Variants in GPBP1 observed in about 807,000 individuals in gnomAD.
GPBP1 encodes vasculin.
Under a neutral mutation model 56.5 loss-of-function variants are expected in GPBP1, and 13 were observed. The ratio of observed to expected loss-of-function variants is 0.23; its 90% confidence interval spans 0.15 to 0.37. The LOEUF (loss-of-function observed/expected upper bound fraction) is 0.37. Among genes scored for constraint, GPBP1 ranks in the 10% least tolerant of loss-of-function variants. GPBP1 has a pLI of 1.00. For synonymous variants in GPBP1, 204 were observed against 188.9 expected, an observed-to-expected ratio of 1.08 and a Z score of -0.66; for missense variants, 477 against 572.3, an observed-to-expected ratio of 0.83 and a Z score of 1.70.
chr5:57,249,487 A>C lies in GPBP1; in HGVS notation c.883A>C (p.Thr295Pro), dbSNP rs1173669599. The change falls in exon 9 of 12, where the codon ACT becomes CCT. Residue 295 changes from threonine (T) to proline (P), a missense_variant. Coordinates refer to ENST00000506184, the MANE Select transcript of GPBP1 (RefSeq NM_022913.4). The part of the protein sequence containing the change: ...PRLTKLTRMR[T>P]DKKSEFLKAL... ...TCTAACCAAACTGACACGAATGCGC[A>C]CTGATAAGAAGAGTGAATTTTTGAA... 6.2e-7 allele frequency: 1 copy of C among 1,612,948 alleles called. No individual in the cohort carries two copies. Among genetic ancestry groups the C allele is most frequent in the African/African-American group, 1.3e-5 (1 of 74,874 alleles).
In GPBP1 at chr5:57,175,934, A is replaced by G. The variant is rs958527423; in HGVS notation, c.-524A>G. ...TTTTCTGAATGAAGAGATTGAAAGA[A>G]TACAGAGTTTTTTTCCTTTTATCTT... is the stretch of plus-strand genomic sequence containing the variant. On this transcript the variant is annotated 5_prime_UTR_variant, in exon 2 of 12. Transcript: ENST00000506184. 99 of 398,582 alleles carry G rather than the reference A, an allele frequency of 2.5e-4. 1 individual carries two copies. Among genetic ancestry groups the G allele is most frequent in the African/African-American group, 1.9e-3 (95 of 48,770 alleles). The allele number at this position is 398,582 out of a possible 1,614,324, so 24.7% of individuals were successfully genotyped here. A position where few individuals can be genotyped will look rare whatever the true frequency, so the allele number is the denominator to read the frequency against.
At chr5:57,177,520 A>G (rs922093991) in intron 2 of GPBP1, among the ~76,000 whole-genome samples, 4 of 151,972 alleles carry the variant, frequency 2.6e-5, no homozygotes, top group Non-Finnish European at 4.4e-5. Flanking sequence ...GTTGCCCAGG[A>G]TGGAGTACAA....
intron 2 of GPBP1, among the ~76,000 whole-genome samples, chr5:57,194,403 C>A (rs1002325361): frequency 6.6e-6 from 1 of 152,010 alleles, no homozygotes. Context: ...TATATTTCTA[C>A]TTATGGATGA....
chr5:57,229,701 A>G (rs975370404), intron 3 of GPBP1, among the ~76,000 whole-genome samples: 2 of 150,226 alleles, frequency 1.3e-5, no homozygotes, highest in African/African-American at 2.5e-5. Context: ...CACATGGCTA[A>G]TTTTGTATTT....
At chr5:57,223,384 G>A (rs760151221) in intron 3 of GPBP1, among the ~76,000 whole-genome samples, 1 of 152,034 alleles carries the variant, frequency 6.6e-6, no homozygotes, top group Non-Finnish European at 1.5e-5. Context: ...CACCGTGCCC[G>A]GCCTCTATAA....
At chr5:57,219,944 C>G (rs765850662) in intron 3 of GPBP1, among the ~76,000 whole-genome samples, 1 of 151,098 alleles carries the variant, frequency 6.6e-6, no homozygotes, top group South Asian at 2.1e-4. Context: ...CCTAGCTACT[C>G]GGGAGGCTGA....
chr5:57,198,214 A>C (rs1463812215), intron 2 of GPBP1, among the ~76,000 whole-genome samples: 1 of 152,094 alleles, frequency 6.6e-6, no homozygotes, highest in Non-Finnish European at 1.5e-5. Flanking sequence ...TCAGCTTCCC[A>C]CTGTATTCTA....
intron 2 of GPBP1, among the ~76,000 whole-genome samples, chr5:57,194,529 A>G (rs964744137): frequency 1.3e-5 from 2 of 152,174 alleles, no homozygotes; most frequent in Admixed American, 1.3e-4. Context: ...CTATATTAGG[A>G]ACATTCCAAC....
At chr5:57,216,006 G>A (rs1275429674) in intron 3 of GPBP1, among the ~76,000 whole-genome samples, 3 of 152,158 alleles carry the variant, frequency 2.0e-5, no homozygotes, top group African/African-American at 7.2e-5. Context: ...TACTCCACGC[G>A]CTAGGTGGAG....
intron 2 of GPBP1, among the ~76,000 whole-genome samples, chr5:57,198,052 C>T (rs1021384533): frequency 4.0e-5 from 6 of 151,838 alleles, no homozygotes; most frequent in Non-Finnish European, 7.4e-5. Context: ...GTTTCGGTGT[C>T]GTTGTTATGT....
chr5:57,240,226 G>C (rs979959407), intron 6 of GPBP1, among the ~76,000 whole-genome samples: 1 of 152,172 alleles, frequency 6.6e-6, no homozygotes, highest in African/African-American at 2.4e-5. Flanking sequence ...ACTCCAGCCT[G>C]GGCAACAGAG....
chr5:57,186,246 T>C (rs140075043), intron 2 of GPBP1, among the ~76,000 whole-genome samples: 4 of 152,026 alleles, frequency 2.6e-5, no homozygotes, highest in African/African-American at 7.2e-5. Flanking sequence ...AAAATTTAAA[T>C]TAAGTGGGCA....
intron 6 of GPBP1, among the ~76,000 whole-genome samples, chr5:57,241,816 A>G (rs1740848737): frequency 2.0e-5 from 3 of 152,202 alleles, no homozygotes; most frequent in South Asian, 4.1e-4. Context: ...AAATGTAAAC[A>G]TTTGGGGTCT....
intron 2 of GPBP1, among the ~76,000 whole-genome samples, chr5:57,186,221 A>G (rs941808876): frequency 1.3e-5 from 2 of 151,834 alleles, no homozygotes; most frequent in Admixed American, 1.3e-4. Context: ...ACATACTAAG[A>G]CGCCTATTCT....
chr5:57,198,350 C>T (rs1754855908), intron 2 of GPBP1, among the ~76,000 whole-genome samples: 1 of 151,984 alleles, frequency 6.6e-6, no homozygotes, highest in African/African-American at 2.4e-5. Flanking sequence ...CAGTTTTATT[C>T]CTTTATTATT....
chr5:57,204,151 C>T (rs1034590159), intron 2 of GPBP1, among the ~76,000 whole-genome samples: 3 of 152,076 alleles, frequency 2.0e-5, no homozygotes, highest in Non-Finnish European at 2.9e-5. Flanking sequence ...TATGTTAAAA[C>T]TGAAGCAAAC....
intron 3 of GPBP1, among the ~76,000 whole-genome samples, chr5:57,228,750 A>T (rs751212934): frequency 5.3e-5 from 8 of 152,126 alleles, no homozygotes; most frequent in Non-Finnish European, 7.3e-5. Context: ...ATACAAAAAA[A>T]TTTTTAAAAT....
intron 9 of GPBP1, 89 bp from the exon 10 acceptor site, chr5:57,250,865 G>A: frequency 1.1e-6 from 1 of 886,266 alleles, no homozygotes; most frequent in South Asian, 1.9e-5. Flanking sequence ...ATTTTCAATG[G>A]AAGCTTAGTT....
chr5:57,228,423 C>T (rs545218322), intron 3 of GPBP1, among the ~76,000 whole-genome samples: 1 of 151,814 alleles, frequency 6.6e-6, no homozygotes, highest in South Asian at 2.1e-4. Context: ...CCATTGCACT[C>T]CAGCCTGGGT....
Sources: gnomAD v4.1 joint callset for allele counts (sites outside exome capture counted in the v4.1 genomes callset) on GRCh38, gnomAD v4.1.1 for gene constraint, MANE v1.5 for transcripts, NCBI Gene and HGNC (gene_info 2026-07-23, HGNC 2026-07-21) for gene names.